PEX5L: variants seen among roughly 807,000 people sequenced by gnomAD.
The protein encoded by PEX5L is PEX5-related protein.
In PEX5L, 30 loss-of-function variants were observed where a neutral mutation model predicts 84.0. The observed-to-expected ratio is 0.36, with a 90% CI of 0.27 to 0.48. PEX5L has a LOEUF of 0.48. PEX5L is among the 20% of genes least tolerant of loss of function. The pLI is 0.99. For missense variants in PEX5L, 533 were observed against 754.6 expected, an observed-to-expected ratio of 0.71 and a Z score of 3.44; for synonymous variants, 270 against 283.1, an observed-to-expected ratio of 0.95 and a Z score of 0.46.
intron 8 of PEX5L, among the ~76,000 whole-genome samples, chr3:179,832,313 T>G (rs1733345338): frequency 6.6e-6 from 1 of 151,956 alleles, no homozygotes; most frequent in South Asian, 2.1e-4. Context: ...ACCAACTACC[T>G]GCCAACAAAC....
At chr3:179,933,144 C>T (rs1442950939) in intron 2 of PEX5L, among the ~76,000 whole-genome samples, 1 of 152,166 alleles carries the variant, frequency 6.6e-6, no homozygotes, top group Non-Finnish European at 1.5e-5. Flanking sequence ...TTTCAGTTAA[C>T]ATAATGAATG....
At chr3:179,948,761 A>G (rs369519323) in intron 2 of PEX5L, among the ~76,000 whole-genome samples, 2 of 152,302 alleles carry the variant, frequency 1.3e-5, no homozygotes, top group African/African-American at 4.8e-5. Context: ...CCTACCTTGG[A>G]TTTTCTCTCT....
Position 179,797,391 on chromosome 3 carries a change from G to A in PEX5L, c.*4437C>T, listed in dbSNP as rs1457800049. 1 of 151,984 alleles carries A rather than the reference G, an allele frequency of 6.6e-6. No individual in the cohort carries two copies. The highest frequency in any genetic ancestry group is 2.4e-5 in the African/African-American group (1 of 41,374). 9.4% of individuals were successfully genotyped at this position (151,984 alleles called of 1,614,324 possible). A position where few individuals can be genotyped will look rare whatever the true frequency, so the allele number is the denominator to read the frequency against. ...CTTGTATAGAGGCAAGGAACAACAG[G>A]CTAACCTATGAGACTTAATCATGCA... On this transcript the variant is annotated 3_prime_UTR_variant, in exon 15 of 15. Coordinates refer to ENST00000467460, the MANE Select transcript of PEX5L (RefSeq NM_016559.3).
chr3:180,026,423 C>A (rs1424747808), intron 1 of PEX5L, among the ~76,000 whole-genome samples: 1 of 152,108 alleles, frequency 6.6e-6, no homozygotes, highest in Non-Finnish European at 1.5e-5. Flanking sequence ...TCATCCTTTG[C>A]ATGAATATGA....
intron 2 of PEX5L, among the ~76,000 whole-genome samples, chr3:179,911,681 T>C (rs1456085257): frequency 2.0e-5 from 3 of 152,214 alleles, no homozygotes; most frequent in Admixed American, 1.3e-4. Context: ...AAAAAGTTAA[T>C]GGACTTCTCC....
Position 179,898,203 on chromosome 3 carries a change from A to G in PEX5L, c.137T>C (p.Met46Thr). 2 of 1,613,588 alleles carry G rather than the reference A, an allele frequency of 1.2e-6. No individual in the cohort carries two copies. The highest frequency in any genetic ancestry group is 1.7e-6 in the Non-Finnish European group (2 of 1,179,624). ...AGACTCCTCCCTCGGTATCTCCTTC[A>G]TCACCATGGCAACAGCCTTATCTGC... ...RAADKAVAMV[M>T]KEIPREESAE... The change falls in exon 3 of 15, where the codon ATG becomes ACG. Residue 46 changes from methionine to threonine, a missense_variant. This residue lies in a region of PEX5L where 259 missense variants were observed against 301.7 expected (regional missense o/e 0.86). Coordinates refer to ENST00000467460, the MANE Select transcript of PEX5L (RefSeq NM_016559.3).
At chr3:179,898,723 G>A (rs1431047741) in intron 2 of PEX5L, among the ~76,000 whole-genome samples, 1 of 151,856 alleles carries the variant, frequency 6.6e-6, no homozygotes, top group Non-Finnish European at 1.5e-5. Context: ...GAGTGGATTG[G>A]GATAAAAAGA....
At chr3:179,895,077 G>A (rs557052190) in intron 3 of PEX5L, among the ~76,000 whole-genome samples, 7 of 152,156 alleles carry the variant, frequency 4.6e-5, no homozygotes, top group Non-Finnish European at 8.8e-5. Context: ...ACAGAATTAT[G>A]ATGAGGGCCT....
At chr3:179,803,566 C>T (rs1719961046) in intron 14 of PEX5L, among the ~76,000 whole-genome samples, 1 of 152,300 alleles carries the variant, frequency 6.6e-6, no homozygotes, top group Admixed American at 6.5e-5. Flanking sequence ...TCTTCAGCAG[C>T]CCCATTTCAC....
intron 4 of PEX5L, among the ~76,000 whole-genome samples, chr3:179,880,691 T>C (rs1477672446): frequency 6.6e-6 from 1 of 152,270 alleles, no homozygotes; most frequent in African/African-American, 2.4e-5. Context: ...TGTTAATGCC[T>C]TTGCTGTTTA....
chr3:179,993,229 G>A (rs760938169), intron 1 of PEX5L, among the ~76,000 whole-genome samples: 6 of 152,094 alleles, frequency 3.9e-5, no homozygotes, highest in Admixed American at 6.5e-5. Context: ...ATTTGAGCAC[G>A]TAATTAATAA....
chr3:180,012,125 T>A (rs2110472316), intron 1 of PEX5L, among the ~76,000 whole-genome samples: 1 of 152,270 alleles, frequency 6.6e-6, no homozygotes, highest in East Asian at 1.9e-4. Context: ...TTATCGTAAT[T>A]CCATCTGCCC....
intron 2 of PEX5L, among the ~76,000 whole-genome samples, chr3:179,956,799 G>C (rs560188630): frequency 1.7e-4 from 26 of 152,228 alleles, no homozygotes; most frequent in African/African-American, 6.0e-4. Context: ...ATGCTTAACG[G>C]TGCATCCGGG....
intron 1 of PEX5L, among the ~76,000 whole-genome samples, chr3:179,997,702 A>G (rs1357652184): frequency 6.6e-6 from 1 of 152,234 alleles, no homozygotes; most frequent in Non-Finnish European, 1.5e-5. Context: ...TTATAAGCTT[A>G]ACCAAGTGGT....
At chr3:180,029,409 G>GT (rs1394204544) in intron 1 of PEX5L, among the ~76,000 whole-genome samples, 1 of 151,980 alleles carries the variant, frequency 6.6e-6, no homozygotes, top group Non-Finnish European at 1.5e-5. Context: ...ATAAAACTAT[G>GT]TATTTATTTA....
chr3:179,957,636 C>G (rs1311406582), intron 2 of PEX5L, among the ~76,000 whole-genome samples: 1 of 152,170 alleles, frequency 6.6e-6, no homozygotes, highest in Non-Finnish European at 1.5e-5. Flanking sequence ...GAAATATACT[C>G]CCATAACAGA....
At chr3:179,940,095 T>G (rs1257055797) in intron 2 of PEX5L, among the ~76,000 whole-genome samples, 1 of 152,186 alleles carries the variant, frequency 6.6e-6, no homozygotes, top group Non-Finnish European at 1.5e-5. Flanking sequence ...ATGTGCTGGT[T>G]CTTGTTGGGT....
At chr3:179,940,915 G>A (rs906771948) in intron 2 of PEX5L, among the ~76,000 whole-genome samples, 1 of 152,234 alleles carries the variant, frequency 6.6e-6, no homozygotes, top group African/African-American at 2.4e-5. Context: ...AGGAGGGGAA[G>A]AGTCTTGAGC....
chr3:179,897,820 ATTG>A (rs1364356373), intron 3 of PEX5L, among the ~76,000 whole-genome samples: 1 of 151,990 alleles, frequency 6.6e-6, no homozygotes, highest in African/African-American at 2.4e-5. Context: ...TGTTAGCTTA[ATTG>A]TTATTTCTTT....
Sources: gnomAD v4.1 joint callset for allele counts (sites outside exome capture counted in the v4.1 genomes callset) on GRCh38, gnomAD v4.1.1 for gene constraint, gnomAD v4.1.1 regional missense constraint, MANE v1.5 for transcripts, NCBI Gene and HGNC (gene_info 2026-07-23, HGNC 2026-07-21) for gene names.